CSMD1: variants seen among roughly 807,000 people sequenced by gnomAD.
The protein encoded by CSMD1 is CUB and Sushi multiple domains 1.
A neutral mutation model predicts 417.5 loss-of-function variants in CSMD1; 213 were observed. That is an observed-to-expected ratio of 0.51 (90% CI 0.46 to 0.57). The LOEUF is 0.57. Ranked by LOEUF, CSMD1 falls within the 20% of genes least tolerant of loss-of-function variation. The pLI, the probability that CSMD1 is intolerant of heterozygous loss-of-function variation, is 0.00. For synonymous variants in CSMD1, 2,862 were observed against 1,736.8 expected, an observed-to-expected ratio of 1.65 and a Z score of -16.11; for missense variants, 6,923 against 4,529.7, an observed-to-expected ratio of 1.53 and a Z score of -15.17.
At chr8:4,424,820 G>C (rs974305093) in intron 2 of CSMD1, among the ~76,000 whole-genome samples, 3 of 151,988 alleles carry the variant, frequency 2.0e-5, no homozygotes, top group Non-Finnish European at 2.9e-5. Flanking sequence ...TTTGCCGGTG[G>C]TTTCCACTTG....
intron 10 of CSMD1, among the ~76,000 whole-genome samples, chr8:3,496,903 T>A (rs1048490400): frequency 6.6e-6 from 1 of 152,236 alleles, no homozygotes; most frequent in Non-Finnish European, 1.5e-5. Context: ...CATAGACCCA[T>A]TGGACACTCA....
chr8:3,960,612 A>G (rs1423004438), intron 5 of CSMD1, among the ~76,000 whole-genome samples: 14 of 152,126 alleles, frequency 9.2e-5, no homozygotes, highest in Non-Finnish European at 8.8e-5. Context: ...TATTGTATAT[A>G]ACATTAATGG....
At chr8:4,601,030 C>G (rs911143853) in intron 2 of CSMD1, among the ~76,000 whole-genome samples, 1 of 149,048 alleles carries the variant, frequency 6.7e-6, no homozygotes, top group Admixed American at 6.7e-5. Context: ...CATCTCGGCT[C>G]ACTGCAACCT....
chr8:4,247,566 T>C (rs1177896252), intron 3 of CSMD1, among the ~76,000 whole-genome samples: 1 of 152,194 alleles, frequency 6.6e-6, no homozygotes, highest in Non-Finnish European at 1.5e-5. Context: ...GAATTCCGCA[T>C]AATACCACCA....
intron 5 of CSMD1, among the ~76,000 whole-genome samples, chr8:3,982,556 A>C (rs1225947303): frequency 6.6e-6 from 1 of 152,184 alleles, no homozygotes; most frequent in Non-Finnish European, 1.5e-5. Flanking sequence ...GATTATGTGC[A>C]CTAGAATTAT....
intron 3 of CSMD1, among the ~76,000 whole-genome samples, chr8:4,178,916 T>G (rs555305655): frequency 1.5e-4 from 23 of 152,082 alleles, no homozygotes; most frequent in East Asian, 1.2e-3. Flanking sequence ...CACTGCTCAA[T>G]GAAATAAGAG....
chr8:4,744,027 G>T (rs540192523), intron 1 of CSMD1, among the ~76,000 whole-genome samples: 15 of 152,326 alleles, frequency 9.8e-5, no homozygotes, highest in Admixed American at 1.3e-4. Flanking sequence ...TCCACGCCAG[G>T]CTGGCACACG....
intron 3 of CSMD1, among the ~76,000 whole-genome samples, chr8:4,119,272 A>T (rs527443635): frequency 6.6e-6 from 1 of 152,188 alleles, no homozygotes; most frequent in Non-Finnish European, 1.5e-5. Context: ...AAAAAAATAG[A>T]AACAAATGGA....
chr8:4,815,148 T>C (rs1452681533), intron 1 of CSMD1, among the ~76,000 whole-genome samples: 1 of 151,878 alleles, frequency 6.6e-6, no homozygotes, highest in Non-Finnish European at 1.5e-5. Context: ...TCAGGAAGAG[T>C]TGGAACGTGT....
intron 25 of CSMD1, among the ~76,000 whole-genome samples, chr8:3,291,758 T>G (rs1019474724): frequency 6.6e-6 from 1 of 152,180 alleles, no homozygotes; most frequent in African/African-American, 2.4e-5. Flanking sequence ...TCAGTTTTGT[T>G]GATCTGTCCA....
chr8:3,186,006 T>C (rs1821732709), intron 36 of CSMD1, among the ~76,000 whole-genome samples: 1 of 152,174 alleles, frequency 6.6e-6, no homozygotes, highest in African/African-American at 2.4e-5. Context: ...TAATTTATTT[T>C]TCCCAGGTAG....
chr8:4,664,254 T>A (rs1267335491), intron 1 of CSMD1, among the ~76,000 whole-genome samples: 3 of 152,158 alleles, frequency 2.0e-5, no homozygotes, highest in African/African-American at 7.2e-5. Context: ...TATTTCTGTG[T>A]GACTAGTAAG....
At chr8:3,078,799 G>C (rs1813876347) in intron 49 of CSMD1, among the ~76,000 whole-genome samples, 1 of 152,126 alleles carries the variant, frequency 6.6e-6, no homozygotes, top group Admixed American at 6.5e-5. Flanking sequence ...CTGCTGCCTT[G>C]ACATTCAACA....
intron 6 of CSMD1, among the ~76,000 whole-genome samples, chr8:3,747,923 C>T (rs1397332809): frequency 6.6e-6 from 1 of 152,066 alleles, no homozygotes; most frequent in South Asian, 2.1e-4. Flanking sequence ...CACTTCCCAG[C>T]CCTAGAAAAA....
intron 3 of CSMD1, among the ~76,000 whole-genome samples, chr8:4,168,597 C>G (rs1391184975): frequency 6.6e-6 from 1 of 151,940 alleles, no homozygotes; most frequent in Non-Finnish European, 1.5e-5. Flanking sequence ...AGGGACAAAA[C>G]GCTACCAACA....
At chr8:4,115,230 G>C (rs1221880570) in intron 3 of CSMD1, among the ~76,000 whole-genome samples, 9 of 152,286 alleles carry the variant, frequency 5.9e-5, no homozygotes, top group Non-Finnish European at 8.8e-5. Context: ...CCAACATTGA[G>C]GCAAGAGCTT....
intron 49 of CSMD1, among the ~76,000 whole-genome samples, chr8:3,075,584 C>G (rs903929044): frequency 6.6e-6 from 1 of 152,088 alleles, no homozygotes; most frequent in East Asian, 1.9e-4. Flanking sequence ...CCAGGCTAGC[C>G]TCATGTATTT....
intron 3 of CSMD1, among the ~76,000 whole-genome samples, chr8:4,324,019 C>T (rs905018494): frequency 1.7e-4 from 26 of 152,196 alleles, no homozygotes; most frequent in Non-Finnish European, 3.7e-4. Flanking sequence ...GGCACAGCCA[C>T]ACCCTTAGCA....
At chr8:4,147,394 T>G (rs1017661522) in intron 3 of CSMD1, among the ~76,000 whole-genome samples, 4 of 152,030 alleles carry the variant, frequency 2.6e-5, no homozygotes, top group African/African-American at 9.7e-5. Flanking sequence ...CACACTGCCT[T>G]CCCCACATGC....
Sources: allele counts gnomAD v4.1 joint callset (sites outside exome capture counted in the v4.1 genomes callset), GRCh38; gene constraint gnomAD v4.1.1; transcripts MANE v1.5; gene names NCBI Gene and HGNC (gene_info 2026-07-23, HGNC 2026-07-21).